The following MOB3B variants were observed in gnomAD, a reference collection of about 807,000 sequenced individuals.
MOB3B encodes MOB kinase activator 3B.
A neutral mutation model predicts 18.7 loss-of-function variants in MOB3B; 7 were observed. The observed-to-expected ratio is 0.37, with a 90% CI of 0.21 to 0.70. The LOEUF (loss-of-function observed/expected upper bound fraction) is 0.70. MOB3B is among the 30% of genes least tolerant of loss of function. The pLI, the probability that MOB3B is intolerant of heterozygous loss-of-function variation, is 0.52. For missense variants in MOB3B, 253 were observed against 281.3 expected, an observed-to-expected ratio of 0.90 and a Z score of 0.72; for synonymous variants, 111 against 99.9, an observed-to-expected ratio of 1.11 and a Z score of -0.66.
chr9:27,347,479 A>G (rs1821044528), intron 3 of MOB3B, among the ~76,000 whole-genome samples: 1 of 152,244 alleles, frequency 6.6e-6, no homozygotes. Context: ...TGGGTGCCAT[A>G]GCACAGGTGA....
chr9:27,453,349 A>T (rs555684390), intron 2 of MOB3B, among the ~76,000 whole-genome samples: 9 of 152,190 alleles, frequency 5.9e-5, no homozygotes, highest in Non-Finnish European at 1.0e-4. Flanking sequence ...AAATACAAGT[A>T]TGCAATGGAG....
At chr9:27,510,969 C>A (rs1820133005) in intron 1 of MOB3B, among the ~76,000 whole-genome samples, 2 of 152,084 alleles carry the variant, frequency 1.3e-5, no homozygotes. Flanking sequence ...CCAGCCACAC[C>A]CTGGGATCAT....
intron 2 of MOB3B, among the ~76,000 whole-genome samples, chr9:27,367,687 A>T (rs1021201929): frequency 6.6e-6 from 1 of 152,208 alleles, no homozygotes; most frequent in African/African-American, 2.4e-5. Context: ...CAACGCTAGG[A>T]AGACGGCTCT....
At chr9:27,411,898 G>T (rs1024577814) in intron 2 of MOB3B, among the ~76,000 whole-genome samples, 3 of 152,104 alleles carry the variant, frequency 2.0e-5, no homozygotes, top group African/African-American at 7.2e-5. Context: ...CTAATGCAAG[G>T]TTCTAATAAT....
chr9:27,507,806 A>G (rs2246591), intron 1 of MOB3B, among the ~76,000 whole-genome samples: 39,623 of 152,148 alleles, frequency 0.26, 5,322 homozygotes, highest in East Asian at 0.34. Flanking sequence ...ACCATTTACA[A>G]ATAAAGTCAT....
At chr9:27,395,540 C>G (rs562131099) in intron 2 of MOB3B, among the ~76,000 whole-genome samples, 2 of 152,250 alleles carry the variant, frequency 1.3e-5, no homozygotes, top group East Asian at 3.9e-4. Flanking sequence ...TGCTAGCCTG[C>G]TCACTGATTG....
At chr9:27,471,653 G>A (rs1167425086) in intron 1 of MOB3B, among the ~76,000 whole-genome samples, 1 of 152,240 alleles carries the variant, frequency 6.6e-6, no homozygotes, top group East Asian at 1.9e-4. Context: ...TGCCATGAGA[G>A]TTAAATTACA....
chr9:27,339,609 G>T (rs1820911464), intron 3 of MOB3B, among the ~76,000 whole-genome samples: 1 of 152,204 alleles, frequency 6.6e-6, no homozygotes, highest in Admixed American at 6.5e-5. Context: ...GGGGTATGTG[G>T]TATCATTCTT....
rs572562627 is a variant in MOB3B at position 27,401,966 on chromosome 9, A to G, written c.419-42730T>C. Among the ~76,000 whole-genome samples the G allele has an allele frequency of 4.6e-5, 7 of 152,342 alleles. No homozygotes were observed. In the South Asian group the frequency reaches 1.5e-3, roughly 32 times the overall value. ...CAACAGCCTAGCGCATAATGTGCAG[A>G]TATTTCTGTCCTGTAGAGAATACAG... On this transcript the variant is annotated intron_variant, in intron 2 of 3. Transcript: ENST00000262244.
At chr9:27,528,589 C>CGGAGCTGGCGTGGG (rs1331779526) in intron 1 of MOB3B, among the ~76,000 whole-genome samples, 1 of 152,222 alleles carries the variant, frequency 6.6e-6, no homozygotes, top group African/African-American at 2.4e-5. Flanking sequence ...GATCCCCTGC[C>CGGAGCTGGCGTGGG]GGAGCTGGCG....
chr9:27,443,545 T>G (rs947101488), intron 2 of MOB3B, among the ~76,000 whole-genome samples: 1 of 152,220 alleles, frequency 6.6e-6, no homozygotes, highest in Non-Finnish European at 1.5e-5. Context: ...CCAACCATAT[T>G]TGCCATCTTC....
At chr9:27,486,867 A>G (rs1209257014) in intron 1 of MOB3B, among the ~76,000 whole-genome samples, 2 of 152,206 alleles carry the variant, frequency 1.3e-5, no homozygotes, top group South Asian at 4.1e-4. Flanking sequence ...GTGGTGGCTC[A>G]CGCTTGTAAT....
chr9:27,480,735 T>A (rs1190413191), intron 1 of MOB3B, among the ~76,000 whole-genome samples: 1 of 152,146 alleles, frequency 6.6e-6, no homozygotes, highest in East Asian at 1.9e-4. Flanking sequence ...CTAGGCAGAA[T>A]TGTATAACTT....
intron 1 of MOB3B, among the ~76,000 whole-genome samples, chr9:27,462,097 A>T (rs1010612806): frequency 6.6e-6 from 1 of 152,238 alleles, no homozygotes; most frequent in Non-Finnish European, 1.5e-5. Context: ...GGGTTGATCC[A>T]ATCTTACTGC....
intron 1 of MOB3B, among the ~76,000 whole-genome samples, chr9:27,498,211 T>C (rs1333340590): frequency 6.6e-6 from 1 of 152,194 alleles, no homozygotes; most frequent in Admixed American, 6.5e-5. Flanking sequence ...GCCACTATGT[T>C]GAAAGCTTGT....
At chr9:27,400,477 C>G (rs1488322784) in intron 2 of MOB3B, among the ~76,000 whole-genome samples, 2 of 152,214 alleles carry the variant, frequency 1.3e-5, no homozygotes, top group Non-Finnish European at 2.9e-5. Flanking sequence ...GCCAGGCACA[C>G]AGTTACCTTT....
At chr9:27,433,768 G>C (rs1049122957) in intron 2 of MOB3B, among the ~76,000 whole-genome samples, 9 of 152,158 alleles carry the variant, frequency 5.9e-5, no homozygotes, top group South Asian at 2.1e-4. Context: ...TATGGCTTAG[G>C]AGTTGCAGGC....
intron 2 of MOB3B, among the ~76,000 whole-genome samples, chr9:27,446,640 ACTGAGG>A (rs1822696089): frequency 6.6e-6 from 1 of 152,172 alleles, no homozygotes; most frequent in African/African-American, 2.4e-5. Context: ...ATTGTATCAC[ACTGAGG>A]CTGTGATACT....
At chr9:27,442,698 C>T (rs1822613792) in intron 2 of MOB3B, among the ~76,000 whole-genome samples, 1 of 152,202 alleles carries the variant, frequency 6.6e-6, no homozygotes, top group African/African-American at 2.4e-5. Context: ...CCTAAGGTGG[C>T]AGTGGCTTCC....
Sources: allele counts gnomAD v4.1 joint callset (sites outside exome capture counted in the v4.1 genomes callset), GRCh38; gene constraint gnomAD v4.1.1; transcripts MANE v1.5; gene names NCBI Gene and HGNC (gene_info 2026-07-23, HGNC 2026-07-21).